ETV6: variants seen among roughly 807,000 people sequenced by gnomAD.
The protein encoded by ETV6 is ETS variant transcription factor 6.
Under a neutral mutation model 51.1 loss-of-function variants are expected in ETV6, and 16 were observed. That is an observed-to-expected ratio of 0.31 (90% CI 0.21 to 0.48). The LOEUF is 0.48. Among genes scored for constraint, ETV6 ranks in the 20% least tolerant of loss-of-function variants. ETV6 has a pLI of 0.99. For missense variants in ETV6, 458 were observed against 594.8 expected, an observed-to-expected ratio of 0.77 and a Z score of 2.39; for synonymous variants, 240 against 224.1, an observed-to-expected ratio of 1.07 and a Z score of -0.64.
intron 2 of ETV6, among the ~76,000 whole-genome samples, chr12:11,821,211 A>C (rs1393894834): frequency 6.6e-6 from 1 of 151,910 alleles, no homozygotes; most frequent in Non-Finnish European, 1.5e-5. Context: ...AAATACAAAA[A>C]AAAAATTAGC....
intron 2 of ETV6, among the ~76,000 whole-genome samples, chr12:11,833,557 G>T (rs1393977152): frequency 6.6e-6 from 1 of 152,158 alleles, no homozygotes; most frequent in African/African-American, 2.4e-5. Context: ...TTTAACGTGG[G>T]CTCGGAGCCA....
At chr12:11,687,287 TCTC>T (rs1864653434) in intron 1 of ETV6, among the ~76,000 whole-genome samples, 1 of 145,740 alleles carries the variant, frequency 6.9e-6, no homozygotes, top group Non-Finnish European at 1.5e-5. Context: ...TTCAAACGAT[TCTC>T]CTGCTTCAGC....
intron 2 of ETV6, among the ~76,000 whole-genome samples, chr12:11,793,303 G>A (rs936670982): frequency 1.3e-5 from 2 of 152,162 alleles, no homozygotes; most frequent in African/African-American, 4.8e-5. Flanking sequence ...GGAAACTGAG[G>A]CACCAACGGC....
At chr12:11,758,537 G>C (rs931224005) in intron 2 of ETV6, among the ~76,000 whole-genome samples, 1 of 152,110 alleles carries the variant, frequency 6.6e-6, no homozygotes, top group Non-Finnish European at 1.5e-5. Flanking sequence ...TGATTTCCAG[G>C]GGCTCAGTTT....
chr12:11,876,107 A>T (rs1451595659), intron 5 of ETV6, among the ~76,000 whole-genome samples: 2 of 152,174 alleles, frequency 1.3e-5, no homozygotes, highest in African/African-American at 4.8e-5. Context: ...CATGTTTGAG[A>T]CATGTGAAAG....
intron 1 of ETV6, among the ~76,000 whole-genome samples, chr12:11,735,552 G>T (rs1865688058): frequency 6.6e-6 from 1 of 152,182 alleles, no homozygotes; most frequent in Admixed American, 6.5e-5. Context: ...CTATCAGTAG[G>T]CTCTGGGTTC....
chr12:11,830,965 TCTTGA>T (rs1341519249), intron 2 of ETV6, among the ~76,000 whole-genome samples: 3 of 152,242 alleles, frequency 2.0e-5, no homozygotes, highest in African/African-American at 4.8e-5. Context: ...AGATGTGTTT[TCTTGA>T]CTTAAGACAA....
chr12:11,849,909 T>G (rs1291202893), intron 3 of ETV6, among the ~76,000 whole-genome samples: 1 of 152,146 alleles, frequency 6.6e-6, no homozygotes, highest in Non-Finnish European at 1.5e-5. Flanking sequence ...CAGCAAGTGG[T>G]CCCCGTCCGC....
intron 2 of ETV6, among the ~76,000 whole-genome samples, chr12:11,828,241 G>A (rs370885410): frequency 2.0e-5 from 3 of 152,088 alleles, no homozygotes; most frequent in Admixed American, 6.5e-5. Context: ...CTCATTGTAC[G>A]TAAATTAAGG....
chr12:11,751,290 A>G (rs1240133741), intron 1 of ETV6: 24 of 516,274 alleles, frequency 4.6e-5, no homozygotes, highest in Admixed American at 4.3e-4. Flanking sequence ...TCTTTCCAAA[A>G]CGTAAACACT....
At chr12:11,706,352 C>A (rs949396084) in intron 1 of ETV6, among the ~76,000 whole-genome samples, 3 of 152,190 alleles carry the variant, frequency 2.0e-5, no homozygotes, top group Non-Finnish European at 2.9e-5. Flanking sequence ...TAGTAAAGGG[C>A]AGAGCAGGGA....
intron 2 of ETV6, among the ~76,000 whole-genome samples, chr12:11,820,636 G>A (rs1399862057): frequency 6.6e-6 from 1 of 152,150 alleles, no homozygotes; most frequent in Non-Finnish European, 1.5e-5. Flanking sequence ...CTGAGGAACA[G>A]CAGAGAGGTC....
At chr12:11,809,450 A>T (rs1276631635) in intron 2 of ETV6, among the ~76,000 whole-genome samples, 1 of 152,190 alleles carries the variant, frequency 6.6e-6, no homozygotes, top group Admixed American at 6.5e-5. Flanking sequence ...TCTAATAAAG[A>T]GGAGAATGAT....
intron 2 of ETV6, among the ~76,000 whole-genome samples, chr12:11,810,827 AC>A (rs1945901938): frequency 6.6e-6 from 1 of 152,198 alleles, no homozygotes; most frequent in Non-Finnish European, 1.5e-5. Flanking sequence ...GATCCAGGTC[AC>A]CTATTCCAGC....
At chr12:11,871,780 TG>T (rs1946884827) in intron 5 of ETV6, among the ~76,000 whole-genome samples, 1 of 152,184 alleles carries the variant, frequency 6.6e-6, no homozygotes, top group African/African-American at 2.4e-5. Flanking sequence ...GCTATATGTC[TG>T]GGTGATAGAT....
intron 2 of ETV6, among the ~76,000 whole-genome samples, chr12:11,834,623 A>G (rs1234247445): frequency 6.6e-6 from 1 of 152,232 alleles, no homozygotes; most frequent in East Asian, 1.9e-4. Context: ...GATTATTGCC[A>G]TAGCTAGATT....
At chr12:11,816,550 TTA>T (rs1945997300) in intron 2 of ETV6, among the ~76,000 whole-genome samples, 3 of 152,288 alleles carry the variant, frequency 2.0e-5, no homozygotes, top group South Asian at 4.1e-4. Context: ...CCGGCCAGCT[TTA>T]TGTTTTTAAA....
At chr12:11,733,195 T>G (rs1189498492) in intron 1 of ETV6, among the ~76,000 whole-genome samples, 2 of 152,054 alleles carry the variant, frequency 1.3e-5, no homozygotes, top group African/African-American at 4.8e-5. Flanking sequence ...GATCATGAGG[T>G]CAGGAGATTG....
At chr12:11,699,155 G>C (rs572052382) in intron 1 of ETV6, among the ~76,000 whole-genome samples, 3 of 152,232 alleles carry the variant, frequency 2.0e-5, no homozygotes, top group African/African-American at 7.2e-5. Context: ...AAAATGAAAG[G>C]ACAACATTCT....
Sources: allele counts gnomAD v4.1 joint callset (sites outside exome capture counted in the v4.1 genomes callset), GRCh38; gene constraint gnomAD v4.1.1; transcripts MANE v1.5; gene names NCBI Gene and HGNC (gene_info 2026-07-23, HGNC 2026-07-21).